GOLGA6L9: variants seen among roughly 807,000 people sequenced by gnomAD.
GOLGA6L9 encodes the protein golgin subfamily A member 6-like protein 9.
GOLGA6L9 carries 19 observed loss-of-function variants against 51.3 expected under a neutral mutation model. The ratio of observed to expected loss-of-function variants is 0.37; its 90% CI spans 0.26 to 0.54. The LOEUF (loss-of-function observed/expected upper bound fraction) is 0.54, where lower values mean the gene tolerates loss of function less well. Among genes scored for constraint, GOLGA6L9 ranks in the 20% least tolerant of loss-of-function variants. GOLGA6L9 has a pLI of 0.83. For missense variants in GOLGA6L9, 247 were observed against 464.1 expected, an observed-to-expected ratio of 0.53 and a Z score of 4.30; for synonymous variants, 97 against 184.2, an observed-to-expected ratio of 0.53 and a Z score of 3.83.
chr15:82,424,689 G>C, the GOLGA6L9 span, among the ~76,000 whole-genome samples: 2 of 151,380 alleles, frequency 1.3e-5, no homozygotes, highest in South Asian at 2.1e-4. Context: ...GTTGTTGGCA[G>C]AGTATCTGGA....
At chr15:82,421,824 AGT>A in the GOLGA6L9 span, among the ~76,000 whole-genome samples, 1 of 29,192 alleles carries the variant, frequency 3.4e-5, no homozygotes, top group African/African-American at 2.2e-4. Flanking sequence ...AAAAAAAAAA[AGT>A]AGCTGGGTAT....
At chr15:82,429,497 C>G (rs1181739140), upstream of GOLGA6L9, among the ~76,000 whole-genome samples, 18 of 152,238 alleles carry the variant, frequency 1.2e-4, no homozygotes, top group African/African-American at 3.4e-4. Context: ...TGATTATTCT[C>G]TGTTATTGGA....
upstream of GOLGA6L9, among the ~76,000 whole-genome samples, chr15:82,429,611 G>A (rs1444020945): frequency 4.7e-3 from 717 of 152,200 alleles, 6 homozygotes; most frequent in African/African-American, 0.016. Context: ...TAATTCTTGT[G>A]CTCCATTTGA....
At chr15:82,433,368 T>G (rs1438452479) in intron 4 of GOLGA6L9, among the ~76,000 whole-genome samples, 194 bp from the exon 5 acceptor site, 20 of 152,024 alleles carry the variant, frequency 1.3e-4, no homozygotes, top group Admixed American at 2.0e-4. Flanking sequence ...GGCTCCTGTC[T>G]GTCCTTTGCT....
Position 82,434,431 on chromosome 15 carries a change from G to T in GOLGA6L9, c.831G>T (p.Glu277Asp), listed in dbSNP as rs1409046950. The T allele has an allele frequency of 5.2e-6, 8 of 1,544,808 alleles. No individual in the cohort carries two copies. The African/African-American group carries it at 9.5e-5, about 18-fold the overall frequency. ...RLLERERLLD[E>D]VEELLEQERL... is the part of the protein sequence containing the mutation. ...TGGAGAGGGAGAGGCTGCTGGACGA[G>T]GTGGAGGAGCTCCTGGAGCAGGAGA... Residue 277 changes from glutamate (E) to aspartate (D), a missense_variant, in exon 6 of 9, where the codon GAG becomes GAT. Glu to Asp is a conservative substitution (Grantham distance 45, BLOSUM62 2). Coordinates refer to ENST00000618348, the MANE Select transcript of GOLGA6L9 (RefSeq NM_198181.4).
rs1298133558 is a variant in GOLGA6L9, at chr15:82,431,943, T to G, written c.198T>G (p.Pro66=). The G allele has an allele frequency of 4.7e-5, 64 of 1,353,078 alleles. 15 individuals are homozygous for G. The highest frequency in any genetic ancestry group is 5.8e-5 in the Non-Finnish European group (59 of 1,022,650). 83.8% of individuals were successfully genotyped at this position (1,353,078 alleles called of 1,614,324 possible). The change falls in exon 2 of 9, where the codon CCT becomes CCG. Residue 66 remains proline (P), a synonymous_variant. Transcript: ENST00000618348. ...DTFTSGGYHS[P]GDSATGIYGE... ...TCACTTCTGGTGGTTACCACTCACC[T>G]GGGGATGTGAGTCTCGGCGGGCCAG...
chr15:82,418,007 T>C, the GOLGA6L9 span, among the ~76,000 whole-genome samples: 1 of 152,244 alleles, frequency 6.6e-6, no homozygotes, highest in South Asian at 2.1e-4. Context: ...GTTTTTCTTT[T>C]AGATTTTCTT....
At chr15:82,416,205 G>A in the GOLGA6L9 span, among the ~76,000 whole-genome samples, 21 of 152,256 alleles carry the variant, frequency 1.4e-4, no homozygotes, top group East Asian at 3.9e-3. Context: ...GGGGTTCAGA[G>A]TATACGAAAC....
At chr15:82,425,880 T>C (rs1238206602), upstream of GOLGA6L9, among the ~76,000 whole-genome samples, 1 of 149,918 alleles carries the variant, frequency 6.7e-6, no homozygotes, top group African/African-American at 2.5e-5. Context: ...ACGTGTGTAT[T>C]TGCAAACATA....
intron 2 of GOLGA6L9, 44 bp downstream of exon 2, chr15:82,431,993 G>T: frequency 7.5e-7 from 1 of 1,324,520 alleles, no homozygotes. Flanking sequence ...GGAGCCCAAG[G>T]GGCAGTAGAG....
the GOLGA6L9 span, among the ~76,000 whole-genome samples, chr15:82,417,491 A>G: frequency 5.3e-5 from 8 of 152,224 alleles, no homozygotes; most frequent in Admixed American, 1.3e-4. Flanking sequence ...TGAAGGTACT[A>G]GAACTACTTC....
intron 2 of GOLGA6L9, 47 bp from the exon 3 acceptor site, chr15:82,432,525 A>G: frequency 1.3e-6 from 2 of 1,592,858 alleles, no homozygotes; most frequent in Middle Eastern, 2.2e-4. Flanking sequence ...GGGCTTAGAC[A>G]GTGAGGGGGG....
rs1422358724 is a variant in GOLGA6L9 at position 82,429,904 on chromosome 15, C to T, written c.-176C>T. The T allele has an allele frequency of 1.2e-4, 98 of 816,752 alleles. No homozygotes were observed. In the South Asian group the frequency reaches 1.3e-3, roughly 11 times the overall value. 50.6% of individuals were successfully genotyped at this position (816,752 alleles called of 1,614,324 possible). A position where few individuals can be genotyped will look rare whatever the true frequency, so the allele number is the denominator to read the frequency against. On this transcript the variant is annotated 5_prime_UTR_variant, in exon 1 of 9. Coordinates refer to ENST00000618348, the MANE Select transcript of GOLGA6L9 (RefSeq NM_198181.4). ...ACAGGTCCCTCTGGACATGCTGCGCCTGGCCACGCCTCCTTTCCCTTTCAT... is the reference window on the plus strand; with the variant it reads ...ACAGGTCCCTCTGGACATGCTGCGCTTGGCCACGCCTCCTTTCCCTTTCAT...
At chr15:82,435,360 G>T (rs2031628624) in intron 7 of GOLGA6L9, 4 of 332,182 alleles carry the variant, frequency 1.2e-5, no homozygotes, top group Non-Finnish European at 2.3e-5. Flanking sequence ...ATAATAATTA[G>T]CCAGGCCTGG....
chr15:82,418,359 G>T, the GOLGA6L9 span, among the ~76,000 whole-genome samples: 1 of 152,150 alleles, frequency 6.6e-6, no homozygotes. Context: ...CAAGGGAAAG[G>T]TGTGGGCAGA....
upstream of GOLGA6L9, among the ~76,000 whole-genome samples, chr15:82,429,715 A>T (rs1490181407): frequency 5.3e-5 from 8 of 152,306 alleles, no homozygotes; most frequent in African/African-American, 1.9e-4. Flanking sequence ...ACAGACACAC[A>T]TATATAAAGT....
In GOLGA6L9 at chr15:82,438,147, C is replaced by T. The variant is rs1413808538; in HGVS notation, c.*1736C>T. On this transcript the variant is annotated 3_prime_UTR_variant, in exon 9 of 9. Transcript: ENST00000618348. ...ATTCTGAAACTGAGCTTACCTAATA[C>T]ATTGATAAATTATTTCAAAGGTATT... 6.8e-4 allele frequency: 101 copies of T among 149,252 alleles called. 4 individuals are homozygous for T. The highest frequency in any genetic ancestry group is 2.2e-3 in the African/African-American group (90 of 40,326). The allele number at this position is 149,252 out of a possible 1,614,324, so 9.2% of individuals were successfully genotyped here. A position where few individuals can be genotyped will look rare whatever the true frequency, so the allele number is the denominator to read the frequency against.
chr15:82,417,175 G>C, the GOLGA6L9 span, among the ~76,000 whole-genome samples: 1 of 152,198 alleles, frequency 6.6e-6, no homozygotes, highest in Admixed American at 6.5e-5. Context: ...CCAAGCTTAG[G>C]ATAGTGTTTG....
At chr15:82,433,393 C>G (rs2031500892) in intron 4 of GOLGA6L9, among the ~76,000 whole-genome samples, 169 bp from the exon 5 acceptor site, 1 of 152,146 alleles carries the variant, frequency 6.6e-6, no homozygotes, top group African/African-American at 2.4e-5. Context: ...TATATCTCTG[C>G]TATGAAGAAC....
Sources: allele counts gnomAD v4.1 joint callset (sites outside exome capture counted in the v4.1 genomes callset), GRCh38; gene constraint gnomAD v4.1.1; transcripts MANE v1.5; gene names NCBI Gene and HGNC (gene_info 2026-07-23, HGNC 2026-07-21).